The following TTC7B variants were observed in gnomAD, a reference collection of about 807,000 sequenced individuals.
The protein encoded by TTC7B is tetratricopeptide repeat domain 7B.
In TTC7B, 28 loss-of-function variants were observed where a neutral mutation model predicts 106.8. The observed-to-expected ratio is 0.26, with a 90% CI of 0.19 to 0.36. The LOEUF (loss-of-function observed/expected upper bound fraction) is 0.36, where lower values mean the gene tolerates loss of function less well. Ranked by LOEUF, TTC7B falls within the 10% of genes least tolerant of loss-of-function variation. The pLI is 1.00. For missense variants in TTC7B, 862 were observed against 1,076.4 expected (o/e 0.80, Z 2.79); for synonymous variants, 405 against 430.6 (o/e 0.94, Z 0.74).
chr14:90,814,570 A>G lies in TTC7B; in HGVS notation c.121+1605T>C, dbSNP rs575558654. Among the ~76,000 whole-genome samples, 3 of 152,338 alleles carry G rather than the reference A, an allele frequency of 2.0e-5. No individual in the cohort carries two copies. The South Asian group carries it at 6.2e-4, about 32-fold the overall frequency. ...AAGACAGCAGGAAACAAGTGGATTC[A>G]GAAGAAAAAAGACCAGGAGGCTCAC... On this transcript the variant is annotated intron_variant, in intron 1 of 19. Transcript: ENST00000328459.
At chr14:90,671,595 T>C (rs980329526) in intron 9 of TTC7B, among the ~76,000 whole-genome samples, 2 of 152,214 alleles carry the variant, frequency 1.3e-5, no homozygotes, top group East Asian at 1.9e-4. Flanking sequence ...CTGTTTAAAA[T>C]GAAGAGGAAA....
chr14:90,780,794 A>G lies in TTC7B; in HGVS notation c.389T>C (p.Leu130Pro). Residue 130 changes from leucine (L) to proline (P), a missense_variant, in exon 3 of 20, where the codon CTG (leucine) becomes CCG (proline). Physicochemically the swap from Leu to Pro is moderately conservative, Grantham distance 98 (BLOSUM62 -3). Transcript: ENST00000328459. ...CAGCCTGTAGGGCGGGACAGCTGTC[A>G]GTGGCAGATCGTCCAGGCCCACCCG... Reference protein sequence around the residue: ...YARVGLDDLPLTAVPPYRLRV... With the variant: ...YARVGLDDLPPTAVPPYRLRV... 1 of 1,614,300 alleles carries G rather than the reference A, an allele frequency of 6.2e-7. No homozygotes were observed.
intron 17 of TTC7B, among the ~76,000 whole-genome samples, chr14:90,606,656 G>C (rs1892652931): frequency 6.6e-6 from 1 of 152,190 alleles, no homozygotes; most frequent in African/African-American, 2.4e-5. Flanking sequence ...GGCAGAGGTG[G>C]GAGGAAGGGA....
chr14:90,617,076 TG>T (rs1237696147), intron 16 of TTC7B, among the ~76,000 whole-genome samples: 6 of 152,190 alleles, frequency 3.9e-5, no homozygotes, highest in Non-Finnish European at 8.8e-5. Context: ...CGTGGAATGC[TG>T]GGGGTTGACC....
intron 17 of TTC7B, among the ~76,000 whole-genome samples, chr14:90,595,521 C>G (rs917481504): frequency 2.4e-4 from 37 of 152,036 alleles, no homozygotes; most frequent in Admixed American, 2.4e-3. Flanking sequence ...TATTTGTCAC[C>G]TTTTTTATGG....
chr14:90,631,351 A>G (rs1304025323), intron 15 of TTC7B, among the ~76,000 whole-genome samples: 1 of 151,430 alleles, frequency 6.6e-6, no homozygotes, highest in East Asian at 1.9e-4. Context: ...TCACATGATA[A>G]TTCTATTTTT....
At chr14:90,554,936 A>G (rs540798810) in intron 19 of TTC7B, among the ~76,000 whole-genome samples, 1 of 152,228 alleles carries the variant, frequency 6.6e-6, no homozygotes, top group East Asian at 1.9e-4. Flanking sequence ...TCACATCTGA[A>G]TGATGTGGCG....
intron 4 of TTC7B, among the ~76,000 whole-genome samples, chr14:90,731,727 G>A (rs984539773): frequency 2.0e-5 from 3 of 151,968 alleles, no homozygotes; most frequent in Admixed American, 6.6e-5. Flanking sequence ...CGGCACCATC[G>A]GAGCCACACT....
chr14:90,565,231 G>C (rs1890740150), intron 19 of TTC7B, among the ~76,000 whole-genome samples: 1 of 152,134 alleles, frequency 6.6e-6, no homozygotes, highest in Admixed American at 6.5e-5. Flanking sequence ...TCAGCAATAA[G>C]GCTGTTTCGC....
intron 19 of TTC7B, among the ~76,000 whole-genome samples, chr14:90,572,888 C>A (rs1318534544): frequency 6.6e-6 from 1 of 152,186 alleles, no homozygotes; most frequent in African/African-American, 2.4e-5. Flanking sequence ...ACCTAAGACC[C>A]CTCCAGATGA....
chr14:90,723,549 G>A (rs999076624), intron 5 of TTC7B, among the ~76,000 whole-genome samples: 3 of 151,988 alleles, frequency 2.0e-5, no homozygotes, highest in Admixed American at 6.6e-5. Flanking sequence ...GCTCTTTCCC[G>A]GGTCAAGACC....
At chr14:90,602,526 C>T (rs1271738976) in intron 17 of TTC7B, among the ~76,000 whole-genome samples, 2 of 152,082 alleles carry the variant, frequency 1.3e-5, no homozygotes, top group Admixed American at 1.3e-4. Context: ...CACAGTGAGG[C>T]CTCCTCTCTG....
rs929376719 is a variant in TTC7B, at chr14:90,539,137, C to G, written c.*2231G>C. On this transcript the variant is annotated 3_prime_UTR_variant, in exon 20 of 20. Coordinates refer to ENST00000328459, the MANE Select transcript of TTC7B (RefSeq NM_001010854.2). ...GAGGGCTCTGGTTGTTAAGGCTGGGCCCATGTGTCCATCCTTGAGCCATGT... is the reference window on the plus strand; with the variant it reads ...GAGGGCTCTGGTTGTTAAGGCTGGGGCCATGTGTCCATCCTTGAGCCATGT... 1 of 152,276 alleles carries G rather than the reference C, an allele frequency of 6.6e-6. No homozygotes were observed. Among genetic ancestry groups the G allele is most frequent in the East Asian group, 1.9e-4 (1 of 5,196 alleles). 9.4% of individuals were successfully genotyped at this position (152,276 alleles called of 1,614,324 possible).
chr14:90,677,899 A>G (rs1303282251), intron 8 of TTC7B: 10 of 438,210 alleles, frequency 2.3e-5, no homozygotes, highest in Non-Finnish European at 4.5e-5. Context: ...AAAGTGAGTC[A>G]TCTCTTACGG....
intron 9 of TTC7B, among the ~76,000 whole-genome samples, chr14:90,659,753 T>C (rs1003292176): frequency 1.3e-5 from 2 of 151,822 alleles, no homozygotes; most frequent in Non-Finnish European, 2.9e-5. Flanking sequence ...AAAGAAAAGA[T>C]GGAGATGAGG....
intron 9 of TTC7B, among the ~76,000 whole-genome samples, chr14:90,674,838 C>T (rs192696116): frequency 7.9e-5 from 12 of 152,330 alleles, no homozygotes; most frequent in Admixed American, 5.2e-4. Flanking sequence ...TTTGGCACTG[C>T]ACCACCTTTT....
At position 90,695,480 on chromosome 14, in the gene TTC7B, A is replaced by C; in HGVS notation, c.777+20T>G. 1 of 1,529,638 alleles carries C rather than the reference A, an allele frequency of 6.5e-7. No individual in the cohort carries two copies. The highest frequency in any genetic ancestry group is 1.3e-5 in the South Asian group (1 of 78,960). 94.8% of individuals were successfully genotyped at this position (1,529,638 alleles called of 1,614,324 possible). On this transcript the variant is annotated intron_variant, in intron 6 of 19. Coordinates refer to ENST00000328459, the MANE Select transcript of TTC7B (RefSeq NM_001010854.2). Reference sequence around the variant, plus strand: ...GACAAGTGCCCTGCTGGCCTCAATCAAGTCACTGTTCACACTTACCATTCG... The same window carrying C: ...GACAAGTGCCCTGCTGGCCTCAATCCAGTCACTGTTCACACTTACCATTCG...
chr14:90,605,624 C>T (rs566127355), intron 17 of TTC7B: 125 of 1,286,694 alleles, frequency 9.7e-5, no homozygotes, highest in East Asian at 2.2e-4. Context: ...CGGGGACCTG[C>T]GTCACTGAAT....
rs1362469581 is a variant in TTC7B, at chr14:90,657,669, T to G, written c.1237-391A>C. On this transcript the variant is annotated intron_variant, in intron 10 of 19. Transcript: ENST00000328459. The surrounding 1 kb of genome is among the most constrained non-coding windows in gnomAD (Gnocchi z 4.2). The stretch of plus-strand genomic sequence containing the variant: ...ATCTTCCATCTCAGGCTTCATTCGC[T>G]AAATGGCCCAAATTAGCAAGAAAAA... Among the ~76,000 whole-genome samples the G allele has an allele frequency of 6.6e-6, 1 of 152,272 alleles. No individual in the cohort carries two copies. The highest frequency in any genetic ancestry group is 2.4e-5 in the African/African-American group (1 of 41,478).
Sources: allele counts gnomAD v4.1 joint callset (sites outside exome capture counted in the v4.1 genomes callset), GRCh38; gene constraint gnomAD v4.1.1; non-coding constraint Gnocchi (gnomAD v3.1); transcripts MANE v1.5; gene names NCBI Gene and HGNC (gene_info 2026-07-23, HGNC 2026-07-21).